Variants in B4GALNT3 observed in about 807,000 individuals in gnomAD.
B4GALNT3 encodes beta-1,4-N-acetyl-galactosaminyltransferase 3.
Under a neutral mutation model 120.2 loss-of-function variants are expected in B4GALNT3, and 86 were observed. The observed-to-expected ratio is 0.72, with a 90% CI of 0.60 to 0.86. B4GALNT3 has a LOEUF of 0.86. Among genes scored for constraint, B4GALNT3 ranks in the 40% least tolerant of loss-of-function variants. B4GALNT3 has a pLI of 0.00. For synonymous variants in B4GALNT3, 518 were observed against 510.4 expected, an observed-to-expected ratio of 1.01 and a Z score of -0.20; for missense variants, 1,167 against 1,298.9, an observed-to-expected ratio of 0.90 and a Z score of 1.56.
intron 1 of B4GALNT3, among the ~76,000 whole-genome samples, chr12:524,211 A>G (rs1946739884): frequency 6.6e-6 from 1 of 152,226 alleles, no homozygotes; most frequent in African/African-American, 2.4e-5. Context: ...GCAGATCCCC[A>G]TATTCCTTTC....
intron 1 of B4GALNT3, among the ~76,000 whole-genome samples, chr12:516,488 G>T (rs752776136): frequency 6.6e-6 from 1 of 152,220 alleles, no homozygotes; most frequent in Non-Finnish European, 1.5e-5. Flanking sequence ...TAGCTGGAAT[G>T]AAATGGTGGT....
intron 1 of B4GALNT3, among the ~76,000 whole-genome samples, chr12:530,179 T>C (rs964657349): frequency 3.3e-5 from 5 of 152,276 alleles, no homozygotes; most frequent in African/African-American, 4.8e-5. Context: ...CTGTTGGGCA[T>C]TGGCAGAAGT....
At chr12:511,621 C>CCTT (rs1946563268) in intron 1 of B4GALNT3, among the ~76,000 whole-genome samples, 1 of 147,064 alleles carries the variant, frequency 6.8e-6, no homozygotes, top group Non-Finnish European at 1.5e-5. Flanking sequence ...CCTTCTTCCA[C>CCTT]CTTCGACCTT....
At chr12:527,983 TA>T (rs893458267) in intron 1 of B4GALNT3, among the ~76,000 whole-genome samples, 2 of 151,032 alleles carry the variant, frequency 1.3e-5, no homozygotes, top group African/African-American at 4.9e-5. Context: ...GGAGAGGGGA[TA>T]GGGGAACAGG....
intron 14 of B4GALNT3, among the ~76,000 whole-genome samples, chr12:554,519 G>A (rs898201643): frequency 2.6e-4 from 39 of 151,962 alleles, no homozygotes; most frequent in South Asian, 6.3e-4. Context: ...GGCTGGGCGC[G>A]GTGGCTCACG....
At chr12:539,442 G>A (rs548436266) in intron 3 of B4GALNT3, among the ~76,000 whole-genome samples, 7 of 151,864 alleles carry the variant, frequency 4.6e-5, no homozygotes, top group African/African-American at 1.5e-4. Flanking sequence ...CAGAGTTCTC[G>A]TGGGTTGTTC....
At chr12:546,267 A>C (rs1253342865) in intron 6 of B4GALNT3, among the ~76,000 whole-genome samples, 1 of 77,866 alleles carries the variant, frequency 1.3e-5, no homozygotes, top group African/African-American at 5.4e-5. Flanking sequence ...AGGAGTGGGG[A>C]GGTGGGAGGA....
chr12:509,042 C>A (rs931337272), intron 1 of B4GALNT3, among the ~76,000 whole-genome samples: 1 of 152,184 alleles, frequency 6.6e-6, no homozygotes, highest in Non-Finnish European at 1.5e-5. Context: ...TTTTCCTACC[C>A]AGCAGGTGTC....
chr12:460,383 A>C lies in B4GALNT3; in HGVS notation c.7A>C (p.Ser3Arg). The change falls in exon 1 of 20, where the codon AGC becomes CGC. Residue 3 changes from serine to arginine, a missense_variant. Around this residue, in one of 3 missense-constraint regions of B4GALNT3, gnomAD observed 171 missense variants for 161.3 expected, o/e 1.06. Transcript: ENST00000266383. This position sits in a 1 kb window ranked among gnomAD's most constrained non-coding sequence, Gnocchi z 8.0. ...GCCGCCTCGGCGCAGCGCCATGGGG[A>C]GCCCCCGGGCCGCGCGGCCCCCGCT... MG[S>R]PRAARPPLLL... The C allele has an allele frequency of 7.0e-7, 1 of 1,429,596 alleles. No homozygotes were observed. The allele number at this position is 1,429,596 out of a possible 1,614,324, so 88.6% of individuals were successfully genotyped here.
chr12:462,890 T>C (rs1271947473), intron 1 of B4GALNT3, among the ~76,000 whole-genome samples: 1 of 152,174 alleles, frequency 6.6e-6, no homozygotes, highest in Non-Finnish European at 1.5e-5. Flanking sequence ...AGCTCAGAGC[T>C]ATTCCTCTGG....
Position 509,417 on chromosome 12 carries a change from T to C in B4GALNT3, c.170-25749T>C, listed in dbSNP as rs560140992. 7.4e-4 allele frequency among the ~76,000 whole-genome samples: 113 copies of C among 152,150 alleles called. 1 individual carries two copies. Among genetic ancestry groups the C allele is most frequent in the Admixed American group, 1.4e-3 (21 of 15,292 alleles). On this transcript the variant is annotated intron_variant, in intron 1 of 19. Coordinates refer to ENST00000266383, the MANE Select transcript of B4GALNT3 (RefSeq NM_173593.4). ...GAGAAACTTGGGAAGCAACACTGAATGGGAAGAGAGGGAGGCTTTCTAGGG... is the reference window on the plus strand; with the variant it reads ...GAGAAACTTGGGAAGCAACACTGAACGGGAAGAGAGGGAGGCTTTCTAGGG...
At chr12:555,329 G>T (rs1252595889) in intron 14 of B4GALNT3, 4 of 456,498 alleles carry the variant, frequency 8.8e-6, no homozygotes, top group Non-Finnish European at 1.3e-5. Flanking sequence ...TATGCAAATG[G>T]AACCATGTAA....
intron 1 of B4GALNT3, among the ~76,000 whole-genome samples, chr12:490,425 A>T (rs952826146): frequency 1.3e-4 from 20 of 152,330 alleles, no homozygotes; most frequent in Non-Finnish European, 2.6e-4. Flanking sequence ...GATCTCATGG[A>T]CATTAAAAGT....
chr12:472,217 T>C (rs1204911651), intron 1 of B4GALNT3, among the ~76,000 whole-genome samples: 1 of 152,234 alleles, frequency 6.6e-6, no homozygotes, highest in Non-Finnish European at 1.5e-5. Context: ...TGGACTCTCC[T>C]GAGGGCCAGG....
Position 557,615 on chromosome 12 carries a change from C to A in B4GALNT3, c.2388C>A (p.Asn796Lys). Reference sequence around the variant, plus strand: ...CCTGACCCCCTGGGGTAGTGAAGAACCAGGCACGCTGGGTACAGCAATTCA... The same window carrying A: ...CCTGACCCCCTGGGGTAGTGAAGAAACAGGCACGCTGGGTACAGCAATTCA... Reference protein sequence around the residue: ...AVVHFVVPVKNQARWVQQFIK... With the variant: ...AVVHFVVPVKKQARWVQQFIK... Residue 796 changes from asparagine to lysine, a missense_variant, in exon 16 of 20, where the codon AAC (asparagine) becomes AAA (lysine). Transcript: ENST00000266383. 1 of 1,609,848 alleles carries A rather than the reference C, an allele frequency of 6.2e-7. No homozygotes were observed. The highest frequency in any genetic ancestry group is 1.7e-5 in the Admixed American group (1 of 59,066).
At chr12:530,490 C>T (rs778753067) in intron 1 of B4GALNT3, among the ~76,000 whole-genome samples, 18 of 152,146 alleles carry the variant, frequency 1.2e-4, no homozygotes, top group Non-Finnish European at 1.8e-4. Context: ...TCACACCAGG[C>T]GTCAGGAGAA....
chr12:484,380 A>G (rs1433712863), intron 1 of B4GALNT3, among the ~76,000 whole-genome samples: 1 of 152,170 alleles, frequency 6.6e-6, no homozygotes, highest in Non-Finnish European at 1.5e-5. Flanking sequence ...CTCTGGGGCC[A>G]TCACCCTTTG....
intron 1 of B4GALNT3, among the ~76,000 whole-genome samples, chr12:481,028 C>G (rs1355469566): frequency 1.3e-5 from 2 of 152,212 alleles, no homozygotes; most frequent in African/African-American, 4.8e-5. Flanking sequence ...CAGGGATTGG[C>G]CATGGAATTG....
In B4GALNT3 at chr12:545,525, G is replaced by T. The variant is rs1053115630; in HGVS notation, c.639+56G>T. On this transcript the variant is annotated intron_variant, in intron 6 of 19. Coordinates refer to ENST00000266383, the MANE Select transcript of B4GALNT3 (RefSeq NM_173593.4). ...TCTGCTCCTGGAGCCTGTTCATTGA[G>T]TCCTCCAGCAGCTGCTCATTACTGT... The T allele has an allele frequency of 2.7e-6, 4 of 1,486,640 alleles. No individual in the cohort carries two copies. The Admixed American group carries it at 7.9e-5, about 30-fold the overall frequency. 92.1% of individuals were successfully genotyped at this position (1,486,640 alleles called of 1,614,324 possible). A position where few individuals can be genotyped will look rare whatever the true frequency, so the allele number is the denominator to read the frequency against.
Sources: gnomAD v4.1 joint callset for allele counts (sites outside exome capture counted in the v4.1 genomes callset) on GRCh38, gnomAD v4.1.1 for gene constraint, gnomAD v4.1.1 regional missense constraint, Gnocchi (gnomAD v3.1) non-coding constraint, MANE v1.5 for transcripts, NCBI Gene and HGNC (gene_info 2026-07-23, HGNC 2026-07-21) for gene names.